CENPP: variants seen among roughly 807,000 people sequenced by gnomAD.
CENPP encodes the protein centromere protein P.
In CENPP, 24 loss-of-function variants were observed where a neutral mutation model predicts 35.6. The ratio of observed to expected loss-of-function variants is 0.67; its 90% CI spans 0.49 to 0.95. CENPP has a LOEUF of 0.95. Ranked by LOEUF, CENPP falls within the 40% of genes least tolerant of loss-of-function variation. CENPP has a pLI of 0.00. For synonymous variants in CENPP, 120 were observed against 125.5 expected, an observed-to-expected ratio of 0.96 and a Z score of 0.29; for missense variants, 332 against 345.3, an observed-to-expected ratio of 0.96 and a Z score of 0.31.
chr9:92,494,325 A>G (rs1846256428), intron 5 of CENPP, among the ~76,000 whole-genome samples: 1 of 152,178 alleles, frequency 6.6e-6, no homozygotes, highest in Non-Finnish European at 1.5e-5. Context: ...TTATATTCAT[A>G]CATCAATAAG....
At chr9:92,495,448 T>C in intron 5 of CENPP, 1 of 985,280 alleles carries the variant, frequency 1.0e-6, no homozygotes, top group Non-Finnish European at 1.2e-6. Flanking sequence ...CTATGACCAG[T>C]GGTGCAAAAT....
chr9:92,336,608 C>T (rs962333548), intron 2 of CENPP, among the ~76,000 whole-genome samples: 6 of 152,072 alleles, frequency 3.9e-5, no homozygotes, highest in Middle Eastern at 6.3e-3. Flanking sequence ...CTAAAAGTAA[C>T]GTCATTAGCA....
chr9:92,410,144 G>A (rs1300416978), intron 5 of CENPP, among the ~76,000 whole-genome samples: 1 of 152,108 alleles, frequency 6.6e-6, no homozygotes, highest in Non-Finnish European at 1.5e-5. Context: ...CACCATGTTA[G>A]CCAGGGTGGT....
At chr9:92,378,245 G>T (rs1241844162) in intron 4 of CENPP, among the ~76,000 whole-genome samples, 1 of 152,162 alleles carries the variant, frequency 6.6e-6, no homozygotes, top group East Asian at 1.9e-4. Context: ...TAAAGTGCCT[G>T]ATTAGGAGTG....
At chr9:92,550,199 C>A (rs767427582) in intron 5 of CENPP, among the ~76,000 whole-genome samples, 1 of 152,094 alleles carries the variant, frequency 6.6e-6, no homozygotes, top group Non-Finnish European at 1.5e-5. Context: ...AGATCGAGAC[C>A]ATCCTGGCCA....
At chr9:92,358,133 C>T (rs775431673) in intron 4 of CENPP, among the ~76,000 whole-genome samples, 6 of 150,620 alleles carry the variant, frequency 4.0e-5, no homozygotes, top group Non-Finnish European at 5.9e-5. Flanking sequence ...TGTTTTAACA[C>T]TTTATTCTGT....
chr9:92,411,131 C>T (rs2130947738), intron 5 of CENPP, among the ~76,000 whole-genome samples: 1 of 152,208 alleles, frequency 6.6e-6, no homozygotes, highest in South Asian at 2.1e-4. Context: ...TGCCACCACG[C>T]CCAGCTACTT....
At chr9:92,360,179 T>C (rs1841707584) in intron 4 of CENPP, among the ~76,000 whole-genome samples, 2 of 152,214 alleles carry the variant, frequency 1.3e-5, no homozygotes, top group Non-Finnish European at 2.9e-5. Flanking sequence ...TATTATTTTT[T>C]ATTGGCTGCT....
At chr9:92,543,518 A>G (rs1186583524) in intron 5 of CENPP, among the ~76,000 whole-genome samples, 1 of 147,488 alleles carries the variant, frequency 6.8e-6, no homozygotes, top group Non-Finnish European at 1.5e-5. Context: ...TTAGCTATTC[A>G]GGGTCTTTTG....
chr9:92,575,366 CTG>C (rs1850255691), intron 5 of CENPP, among the ~76,000 whole-genome samples: 1 of 152,162 alleles, frequency 6.6e-6, no homozygotes, highest in Admixed American at 6.5e-5. Flanking sequence ...CAAAACAACT[CTG>C]TTCAAAAATG....
intron 5 of CENPP, among the ~76,000 whole-genome samples, chr9:92,481,333 G>T (rs1435768169): frequency 6.6e-6 from 1 of 152,104 alleles, no homozygotes; most frequent in Non-Finnish European, 1.5e-5. Context: ...GTGTGGGCTT[G>T]TGCTCGATTT....
chr9:92,455,619 G>T (rs1844850826), intron 5 of CENPP, among the ~76,000 whole-genome samples: 1 of 151,974 alleles, frequency 6.6e-6, no homozygotes, highest in African/African-American at 2.4e-5. Context: ...TCCATCTCTT[G>T]TATATCTGTA....
At chr9:92,351,038 ATTAT>A (rs1382454911) in intron 4 of CENPP, among the ~76,000 whole-genome samples, 1 of 152,196 alleles carries the variant, frequency 6.6e-6, no homozygotes, top group Non-Finnish European at 1.5e-5. Context: ...CTTCTTTTAG[ATTAT>A]TTAACTTGTT....
At chr9:92,502,631 G>T in intron 5 of CENPP, 1 of 1,594,036 alleles carries the variant, frequency 6.3e-7, no homozygotes, top group South Asian at 1.1e-5. Flanking sequence ...TCTTCAATTT[G>T]GTTATTTTCT....
chr9:92,331,295 C>T (rs1840737929), intron 1 of CENPP, among the ~76,000 whole-genome samples: 1 of 152,300 alleles, frequency 6.6e-6, no homozygotes, highest in East Asian at 1.9e-4. Context: ...ATTCTCCTGC[C>T]TCAGCCTCCC....
chr9:92,431,524 T>G (rs1844108650), intron 5 of CENPP, among the ~76,000 whole-genome samples: 2 of 152,140 alleles, frequency 1.3e-5, no homozygotes, highest in African/African-American at 4.8e-5. Flanking sequence ...CCATTTGGAT[T>G]TTCTCTTCTG....
chr9:92,450,239 T>A (rs901895551), intron 5 of CENPP, among the ~76,000 whole-genome samples: 2 of 114,216 alleles, frequency 1.8e-5, no homozygotes, highest in African/African-American at 6.7e-5. Flanking sequence ...AAGCTATCCC[T>A]CCCCCCTCCC....
chr9:92,490,359 C>T (rs1386560289), intron 5 of CENPP, among the ~76,000 whole-genome samples: 2 of 152,134 alleles, frequency 1.3e-5, no homozygotes, highest in African/African-American at 4.8e-5. Context: ...CTGTAATGGT[C>T]ATTTGGTGTT....
At chr9:92,543,579 A>G (rs1849364570) in intron 5 of CENPP, among the ~76,000 whole-genome samples, 2 of 151,584 alleles carry the variant, frequency 1.3e-5, no homozygotes, top group Admixed American at 1.3e-4. Flanking sequence ...TAAGAATGAC[A>G]TTGAAAAAAA....
Sources: allele counts gnomAD v4.1 joint callset (sites outside exome capture counted in the v4.1 genomes callset), GRCh38; gene constraint gnomAD v4.1.1; transcripts MANE v1.5; gene names NCBI Gene and HGNC (gene_info 2026-07-23, HGNC 2026-07-21).